The following IDO2 variants were observed in gnomAD, a reference collection of about 807,000 sequenced individuals.
The protein encoded by IDO2 is indoleamine 2,3-dioxygenase 2.
In IDO2, 46 loss-of-function variants were observed where a neutral mutation model predicts 45.1. The ratio of observed to expected loss-of-function variants is 1.02; its 90% confidence interval spans 0.80 to 1.30. IDO2 has a LOEUF of 1.30. IDO2 is among the 50% of genes most tolerant of loss of function. IDO2 has a pLI of 0.00. For synonymous variants in IDO2, 218 were observed against 184.9 expected, an observed-to-expected ratio of 1.18 and a Z score of -1.45; for missense variants, 544 against 491.8, an observed-to-expected ratio of 1.11 and a Z score of -1.00.
At chr8:39,998,739 C>A (rs1469499613) in intron 8 of IDO2, among the ~76,000 whole-genome samples, 3 of 146,068 alleles carry the variant, frequency 2.1e-5, no homozygotes, top group African/African-American at 7.6e-5. Context: ...CTCCCCGGTT[C>A]AAGCAATTCT....
At chr8:39,967,989 C>T (rs893552542) in intron 3 of IDO2, among the ~76,000 whole-genome samples, 1 of 151,216 alleles carries the variant, frequency 6.6e-6, no homozygotes, top group Non-Finnish European at 1.5e-5. Flanking sequence ...AATGGCATTC[C>T]TAAGCATTTA....
At position 39,985,447 on chromosome 8, in the gene IDO2, C is replaced by T. The variant is rs1484281783; in HGVS notation, c.435-61C>T. ...GTTATTAATATATCTGGTTTACAAACTGAATTGTTCTTTTATTTTTTTTCT... is the reference window on the plus strand; with the variant it reads ...GTTATTAATATATCTGGTTTACAAATTGAATTGTTCTTTTATTTTTTTTCT... On this transcript the variant is annotated intron_variant, in intron 5 of 10. Coordinates refer to ENST00000502986, the Ensembl canonical transcript of IDO2. 2.8e-6 allele frequency: 4 copies of T among 1,422,372 alleles called. No homozygotes were observed. In the South Asian group the frequency reaches 5.0e-5, roughly 18 times the overall value. 88.1% of individuals were successfully genotyped at this position (1,422,372 alleles called of 1,614,324 possible). A position where few individuals can be genotyped will look rare whatever the true frequency, so the allele number is the denominator to read the frequency against.
chr8:39,966,026 CTTT>C (rs59731560), intron 3 of IDO2, among the ~76,000 whole-genome samples: 8 of 96,506 alleles, frequency 8.3e-5, no homozygotes, highest in Admixed American at 1.4e-4. Flanking sequence ...TCTATCGCTT[CTTT>C]TTTTTTTTTT....
chr8:40,015,963 C>T (rs1585425150), exon 11 of IDO2: 2 of 366,964 alleles, frequency 5.5e-6, no homozygotes, highest in South Asian at 2.7e-4. Flanking sequence ...TGTTGATTTT[C>T]TTAAAAAACA....
intron 1 of IDO2, among the ~76,000 whole-genome samples, chr8:39,939,967 C>A (rs1807619364): frequency 6.6e-6 from 1 of 151,124 alleles, no homozygotes; most frequent in Non-Finnish European, 1.5e-5. Context: ...TTCCAAAAAG[C>A]CCTAATACCC....
intron 3 of IDO2, among the ~76,000 whole-genome samples, chr8:39,976,711 C>T (rs1808264446): frequency 6.6e-6 from 1 of 152,174 alleles, no homozygotes; most frequent in Admixed American, 6.5e-5. Flanking sequence ...GGGAAAATCA[C>T]ATATTTGGCC....
chr8:39,996,884 AG>A (rs1447725925), intron 8 of IDO2, among the ~76,000 whole-genome samples: 1 of 152,220 alleles, frequency 6.6e-6, no homozygotes, highest in African/African-American at 2.4e-5. Flanking sequence ...TGTTAACAAA[AG>A]CTCCAATAAC....
chr8:40,003,570 T>C lies in IDO2; in HGVS notation c.668-1757T>C, dbSNP rs189921468. Among the ~76,000 whole-genome samples, 402 of 152,304 alleles carry C rather than the reference T, an allele frequency of 2.6e-3. 6 individuals carry two copies. The highest frequency in any genetic ancestry group is 9.2e-3 in the African/African-American group (382 of 41,574). The stretch of plus-strand genomic sequence containing the variant: ...TTTCCAGTTTCAAAAATGATGTTGA[T>C]ATTTGAATATTAACCTTAAATCTAG... On this transcript the variant is annotated intron_variant, in intron 8 of 10. Transcript: ENST00000502986.
At chr8:39,954,879 A>T (rs1807867371) in intron 2 of IDO2, among the ~76,000 whole-genome samples, 1 of 149,956 alleles carries the variant, frequency 6.7e-6, no homozygotes, top group South Asian at 2.1e-4. Flanking sequence ...TTGGTTTTGA[A>T]CTCCTGGCCT....
chr8:40,005,370 T>G, exon 9 of IDO2: 1 of 1,568,820 alleles, frequency 6.4e-7, no homozygotes, highest in Non-Finnish European at 8.7e-7. Flanking sequence ...TCCGGATCTT[T>G]CTCTCTGGGT....
chr8:40,015,427 T>C, exon 11 of IDO2: 1 of 1,613,936 alleles, frequency 6.2e-7, no homozygotes, highest in Non-Finnish European at 8.5e-7. Context: ...CACATCACCA[T>C]GGTCACCAAA....
chr8:39,939,546 CAAAAAAAAAA>C, intron 1 of IDO2, among the ~76,000 whole-genome samples: 1 of 71,262 alleles, frequency 1.4e-5, no homozygotes, highest in African/African-American at 5.8e-5. Flanking sequence ...GACTCTGTCT[CAAAAAAAAAA>C]AAAAAAAAAA....
chr8:39,947,171 C>CAAAAAA (rs55785952), intron 1 of IDO2, among the ~76,000 whole-genome samples: 36 of 79,994 alleles, frequency 4.5e-4, no homozygotes, highest in South Asian at 1.1e-3. Context: ...GCTAAGGTAT[C>CAAAAAA]AAAAAAAAAA....
intron 3 of IDO2, among the ~76,000 whole-genome samples, chr8:39,965,162 AT>A (rs1808066347): frequency 6.6e-6 from 1 of 152,200 alleles, no homozygotes; most frequent in Non-Finnish European, 1.5e-5. Flanking sequence ...TTTGGCTAAA[AT>A]TGAGTGTGAA....
intron 2 of IDO2, among the ~76,000 whole-genome samples, chr8:39,949,586 C>G (rs1807784605): frequency 1.3e-5 from 2 of 152,166 alleles, no homozygotes; most frequent in African/African-American, 4.8e-5. Context: ...TATAGAGCCT[C>G]AGCACCTGGA....
At chr8:39,999,276 C>CTTT (rs35720120) in intron 8 of IDO2, among the ~76,000 whole-genome samples, 897 of 78,402 alleles carry the variant, frequency 0.011, 34 homozygotes, top group African/African-American at 0.027. Context: ...TCTGCTGCTG[C>CTTT]TTTTTTTTTT....
intron 1 of IDO2, among the ~76,000 whole-genome samples, chr8:39,940,327 C>A (rs1467826079): frequency 1.3e-5 from 2 of 152,148 alleles, no homozygotes; most frequent in African/African-American, 2.4e-5. Context: ...TTATTGAATA[C>A]CAAACATTGG....
chr8:40,006,518 C>T (rs965916256), intron 9 of IDO2, among the ~76,000 whole-genome samples: 1 of 152,152 alleles, frequency 6.6e-6, no homozygotes, highest in Non-Finnish European at 1.5e-5. Flanking sequence ...ATTACCCAGT[C>T]TAATGTATTT....
chr8:39,990,457 A>G (rs1017572873), intron 8 of IDO2, among the ~76,000 whole-genome samples: 3 of 152,358 alleles, frequency 2.0e-5, no homozygotes, highest in Middle Eastern at 3.4e-3. Context: ...ATGCCTGATA[A>G]CAAAATCTTT....
Sources: allele counts gnomAD v4.1 joint callset (sites outside exome capture counted in the v4.1 genomes callset), GRCh38; gene constraint gnomAD v4.1.1; transcripts MANE v1.5; gene names NCBI Gene and HGNC (gene_info 2026-07-23, HGNC 2026-07-21).